The following ATXN2 variants were observed in gnomAD, a reference collection of about 807,000 sequenced individuals.
ATXN2 encodes ataxin 2.
A neutral mutation model predicts 138.6 loss-of-function variants in ATXN2; 37 were observed. That is an observed-to-expected ratio of 0.27 (90% CI 0.21 to 0.35). The LOEUF is 0.35. ATXN2 is among the 10% of genes least tolerant of loss of function. ATXN2 has a pLI of 1.00. For missense variants in ATXN2, 1,216 were observed against 1,480.3 expected, an observed-to-expected ratio of 0.82 and a Z score of 2.93; for synonymous variants, 549 against 543.7, an observed-to-expected ratio of 1.01 and a Z score of -0.13.
In ATXN2 at chr12:111,473,116, T is replaced by C. The variant is rs568085426; in HGVS notation, c.2525-2374A>G. On this transcript the variant is annotated intron_variant, in intron 18 of 24. Coordinates refer to ENST00000673436, the MANE Select transcript of ATXN2 (RefSeq NM_001372574.1). ...GGTGAAACCCTGTCTCTGCAAAATA[T>C]ACAAAAATTAAGCCAGGCACGGTGG... Among the ~76,000 whole-genome samples, 4 of 151,706 alleles carry C rather than the reference T, an allele frequency of 2.6e-5. No homozygotes were observed. The South Asian group carries it at 6.3e-4, about 24-fold the overall frequency.
rs117328505 is a variant in ATXN2 at position 111,488,505 on chromosome 12, G to A, written c.2211C>T (p.Asp737=). The change falls in exon 15 of 25, where the codon GAC becomes GAT. Residue 737 remains aspartate (D), a synonymous_variant. Transcript: ENST00000673436. ...CTGCGTCTTTCTTCTCTTCCTTATC[G>A]TCTTTCTCTTGTTTACATGCTGGGC... ...TSSPACKQEK[D]DKEEKKDAAE... is the part of the protein sequence containing the mutation. 629 of 1,613,276 alleles carry A rather than the reference G, an allele frequency of 3.9e-4. 1 individual carries two copies. In the East Asian group the frequency reaches 8.9e-3, roughly 23 times the overall value.
chr12:111,547,320 G>A (rs746421519), intron 5 of ATXN2, among the ~76,000 whole-genome samples: 10 of 152,138 alleles, frequency 6.6e-5, no homozygotes, highest in Non-Finnish European at 1.2e-4. Context: ...CCAGCTCCTC[G>A]GGAGGCTTAG....
Position 111,598,845 on chromosome 12 carries a change from CCGAGGACGAGGAGACCGAGGA to C in ATXN2, c.169_189del (p.Ser57_Ser63del). The C allele has an allele frequency of 9.5e-6, 14 of 1,472,470 alleles. No individual in the cohort carries two copies. The highest frequency in any genetic ancestry group is 1.2e-5 in the Non-Finnish European group (13 of 1,117,944). 91.2% of individuals were successfully genotyped at this position (1,472,470 alleles called of 1,614,324 possible). The stretch of plus-strand genomic sequence containing the variant: ...GCGACCACCGAGGAGGGAGCCGTGG[CCGAGGACGAGGAGACCGAGGA>C]CGAGGACGGCGAAGGCGCGGCGGCG... On this transcript the variant is annotated inframe_deletion, in exon 1 of 25. Coordinates refer to ENST00000673436, the MANE Select transcript of ATXN2 (RefSeq NM_001372574.1). The surrounding 1 kb of genome is among the most constrained non-coding windows in gnomAD (Gnocchi z 4.5).
At chr12:111,586,961 T>G (rs987251293) in intron 1 of ATXN2, among the ~76,000 whole-genome samples, 2 of 151,720 alleles carry the variant, frequency 1.3e-5, no homozygotes, top group African/African-American at 4.8e-5. Context: ...AAAGTAAAAG[T>G]TCTCAAAGAG....
At position 111,552,335 on chromosome 12, in the gene ATXN2, A is replaced by C; in HGVS notation, c.516T>G (p.Cys172Trp). 1.4e-5 allele frequency: 22 copies of C among 1,613,574 alleles called. No individual in the cohort carries two copies. The highest frequency in any genetic ancestry group is 1.7e-5 in the Non-Finnish European group (20 of 1,179,784). ...TAAACTGTACCACAACAAAGTCTGA[A>C]CATTTGAACAAAATACTCTCCATTA... Reference protein sequence around the residue: ...EEIMESILFKCSDFVVVQFKD... With the variant: ...EEIMESILFKWSDFVVVQFKD... The change falls in exon 5 of 25, where the codon TGT (cysteine) becomes TGG (tryptophan). Residue 172 changes from cysteine to tryptophan, a missense_variant. Cys to Trp is a radical substitution (Grantham distance 215, BLOSUM62 -2). This residue lies in a region of ATXN2 where 401 missense variants were observed against 528.1 expected (regional missense o/e 0.76). Coordinates refer to ENST00000673436, the MANE Select transcript of ATXN2 (RefSeq NM_001372574.1). This position sits in a 1 kb window ranked among gnomAD's most constrained non-coding sequence, Gnocchi z 4.1.
At chr12:111,578,418 T>C (rs1883802787) in intron 1 of ATXN2, among the ~76,000 whole-genome samples, 1 of 152,146 alleles carries the variant, frequency 6.6e-6, no homozygotes, top group African/African-American at 2.4e-5. Flanking sequence ...TCACCTTTTC[T>C]ATGTTTAGAT....
At chr12:111,503,715 G>A (rs979117769) in intron 14 of ATXN2, among the ~76,000 whole-genome samples, 2 of 151,412 alleles carry the variant, frequency 1.3e-5, no homozygotes, top group Non-Finnish European at 2.9e-5. Context: ...TCAGCCTCCT[G>A]AGTAGCTGGG....
chr12:111,523,945 C>G (rs1592860720), intron 6 of ATXN2, among the ~76,000 whole-genome samples: 1 of 152,038 alleles, frequency 6.6e-6, no homozygotes, highest in South Asian at 2.1e-4. Flanking sequence ...ATTTGCATGT[C>G]TTATGGATAT....
intron 19 of ATXN2, 57 bp downstream of exon 19, chr12:111,470,501 T>C: frequency 6.4e-7 from 1 of 1,571,734 alleles, no homozygotes. Context: ...CCCTTTACCA[T>C]ATTAAAAGTT....
intron 14 of ATXN2, among the ~76,000 whole-genome samples, chr12:111,496,076 C>A (rs1392949207): frequency 7.9e-5 from 12 of 151,888 alleles, no homozygotes; most frequent in Admixed American, 7.2e-4. Context: ...ATTGCTTGAG[C>A]CAGGAAGGCG....
At chr12:111,481,512 G>A (rs1206698108) in intron 18 of ATXN2, among the ~76,000 whole-genome samples, 1 of 151,834 alleles carries the variant, frequency 6.6e-6, no homozygotes, top group Non-Finnish European at 1.5e-5. Context: ...AAGACATATC[G>A]GTTATTTATG....
intron 14 of ATXN2, among the ~76,000 whole-genome samples, chr12:111,490,708 C>T (rs1877965916): frequency 6.6e-6 from 1 of 152,046 alleles, no homozygotes. Flanking sequence ...GAAAAAGACA[C>T]CAAAAAAGAT....
chr12:111,459,543 C>A (rs1294831572), intron 21 of ATXN2, among the ~76,000 whole-genome samples: 2 of 148,108 alleles, frequency 1.4e-5, no homozygotes, highest in Admixed American at 6.7e-5. Flanking sequence ...CGGGTTCAAG[C>A]GATTCTCCTG....
At chr12:111,510,048 CAAG>C (rs745585941) in intron 12 of ATXN2, 50 bp from the exon 13 acceptor site, 2 of 1,247,550 alleles carry the variant, frequency 1.6e-6, no homozygotes, top group Non-Finnish European at 1.1e-6. Context: ...AAAAGCAAAA[CAAG>C]AAAACACTGA....
rs1281472539 is a variant in ATXN2, at chr12:111,568,662, T to C, written c.252-12743A>G. On this transcript the variant is annotated intron_variant, in intron 1 of 24. Transcript: ENST00000673436. ...GTTAGTTACCAACTTAAATGTCACCTCCTGAAAGAAGCCTTCTCAAACTAC... is the reference window on the plus strand; with the variant it reads ...GTTAGTTACCAACTTAAATGTCACCCCCTGAAAGAAGCCTTCTCAAACTAC... Among the ~76,000 whole-genome samples the C allele has an allele frequency of 1.3e-5, 2 of 152,108 alleles. 1 individual carries two copies. Among genetic ancestry groups the C allele is most frequent in the East Asian group, 3.9e-4 (2 of 5,194 alleles).
intron 1 of ATXN2, chr12:111,564,987 T>C (rs1882911205): frequency 6.6e-6 from 1 of 152,160 alleles, no homozygotes; most frequent in Non-Finnish European, 1.5e-5. Flanking sequence ...CCTCCCAAAG[T>C]GCTGGGATTA....
intron 1 of ATXN2, among the ~76,000 whole-genome samples, chr12:111,576,846 T>A (rs1463061368): frequency 1.3e-5 from 2 of 151,550 alleles, no homozygotes; most frequent in African/African-American, 4.9e-5. Context: ...TAGTCCCAGC[T>A]ACTTGGGAGG....
chr12:111,476,001 G>C (rs1449837801), intron 18 of ATXN2, among the ~76,000 whole-genome samples: 1 of 152,164 alleles, frequency 6.6e-6, no homozygotes, highest in East Asian at 1.9e-4. Context: ...ACCCAGGCTG[G>C]AGTACAGTGG....
At chr12:111,593,465 A>G (rs1884782561) in intron 1 of ATXN2, among the ~76,000 whole-genome samples, 1 of 152,290 alleles carries the variant, frequency 6.6e-6, no homozygotes, top group Middle Eastern at 3.4e-3. Flanking sequence ...TCCCTTATGT[A>G]GAAGTATAAA....
Sources: gnomAD v4.1 joint callset for allele counts (sites outside exome capture counted in the v4.1 genomes callset) on GRCh38, gnomAD v4.1.1 for gene constraint, gnomAD v4.1.1 regional missense constraint, Gnocchi (gnomAD v3.1) non-coding constraint, MANE v1.5 for transcripts, NCBI Gene and HGNC (gene_info 2026-07-23, HGNC 2026-07-21) for gene names.